The following LOC400499 variants were observed in gnomAD, a reference collection of about 807,000 sequenced individuals.
the LOC400499 span, among the ~76,000 whole-genome samples, chr16:11,390,631 G>C: frequency 6.6e-6 from 1 of 152,226 alleles, no homozygotes; most frequent in Non-Finnish European, 1.5e-5. Flanking sequence ...CAGGGGAGTT[G>C]TCACAGCAGG....
the LOC400499 span, among the ~76,000 whole-genome samples, chr16:11,500,229 C>T: frequency 3.3e-5 from 5 of 152,198 alleles, no homozygotes; most frequent in East Asian, 1.9e-4. Flanking sequence ...AGAAAACAGT[C>T]GGGCGTGGTG....
At chr16:11,433,205 T>C in the LOC400499 span, among the ~76,000 whole-genome samples, 1 of 152,226 alleles carries the variant, frequency 6.6e-6, no homozygotes, top group South Asian at 2.1e-4. Flanking sequence ...ACTGAGAGTC[T>C]GCCAACTCCT....
chr16:11,524,990 A>T, the LOC400499 span, among the ~76,000 whole-genome samples: 2 of 152,180 alleles, frequency 1.3e-5, no homozygotes, highest in Admixed American at 6.5e-5. Flanking sequence ...TAATCCCTCG[A>T]AAAACACATT....
At chr16:11,473,355 AG>A in the LOC400499 span, among the ~76,000 whole-genome samples, 77 of 150,568 alleles carry the variant, frequency 5.1e-4, no homozygotes, top group Admixed American at 7.3e-4. Flanking sequence ...AAAAAAAAAA[AG>A]AAAAAAAAAT....
chr16:11,502,853 A>G, the LOC400499 span, among the ~76,000 whole-genome samples: 8 of 144,706 alleles, frequency 5.5e-5, no homozygotes, highest in Non-Finnish European at 1.2e-4. Context: ...TGACCTTGTG[A>G]TCTGCCCGCC....
At chr16:11,378,257 T>TC in the LOC400499 span, among the ~76,000 whole-genome samples, 1 of 132,202 alleles carries the variant, frequency 7.6e-6, no homozygotes, top group Non-Finnish European at 1.7e-5. Flanking sequence ...TTTTCTTTTT[T>TC]TTTTTTTTTG....
At chr16:11,525,264 C>A in the LOC400499 span, among the ~76,000 whole-genome samples, 1 of 149,734 alleles carries the variant, frequency 6.7e-6, no homozygotes, top group Non-Finnish European at 1.5e-5. Flanking sequence ...CGTATTCCAG[C>A]CTGGGTAGCA....
chr16:11,401,220 C>A, the LOC400499 span: 1 of 398,814 alleles, frequency 2.5e-6, no homozygotes, highest in Non-Finnish European at 4.4e-6. Context: ...TCACGCGGCT[C>A]CCACCTCCAG....
At chr16:11,428,239 A>ACC in the LOC400499 span, among the ~76,000 whole-genome samples, 1 of 142,316 alleles carries the variant, frequency 7.0e-6, no homozygotes. Context: ...CCGTGGCGTA[A>ACC]TCTCTCACTG....
chr16:11,460,028 C>T, the LOC400499 span: 2,645 of 1,468,880 alleles, frequency 1.8e-3, 18 homozygotes, highest in African/African-American at 0.012. Flanking sequence ...GCAGGTGGCC[C>T]GAGTCCTCCT....
chr16:11,383,839 A>T, the LOC400499 span: 1 of 1,232,238 alleles, frequency 8.1e-7, no homozygotes, highest in Non-Finnish European at 1.0e-6. Flanking sequence ...CCTAAGCTTG[A>T]TGAGACAAAG....
At chr16:11,503,691 C>T in the LOC400499 span, among the ~76,000 whole-genome samples, 1 of 152,242 alleles carries the variant, frequency 6.6e-6, no homozygotes, top group Non-Finnish European at 1.5e-5. Context: ...ACTCGGCCCA[C>T]CTGCCAACGT....
At chr16:11,469,675 T>C in the LOC400499 span, 110,973 of 398,812 alleles carry the variant, frequency 0.28, 16,117 homozygotes, top group Admixed American at 0.44. Flanking sequence ...CTTCTGGAAA[T>C]AGCAGAGTCT....
the LOC400499 span, among the ~76,000 whole-genome samples, chr16:11,375,330 TGGA>T: frequency 9.0e-6 from 1 of 111,396 alleles, no homozygotes; most frequent in Admixed American, 8.4e-5. Flanking sequence ...TTTTTTTTTT[TGGA>T]GACAGAGTCT....
the LOC400499 span, among the ~76,000 whole-genome samples, chr16:11,521,105 G>A: frequency 6.6e-6 from 1 of 152,272 alleles, no homozygotes; most frequent in African/African-American, 2.4e-5. Context: ...CTGACATATT[G>A]GACACTTTAA....
At chr16:11,449,742 C>G in the LOC400499 span, among the ~76,000 whole-genome samples, 1 of 152,246 alleles carries the variant, frequency 6.6e-6, no homozygotes, top group Non-Finnish European at 1.5e-5. Context: ...CCATCAACTT[C>G]CCCATTTCCT....
the LOC400499 span, chr16:11,393,375 C>T: frequency 8.1e-7 from 1 of 1,232,176 alleles, no homozygotes. Context: ...TGAGCTGGGA[C>T]CCAGCTGCCA....
At chr16:11,407,228 A>G in the LOC400499 span, 4 of 398,900 alleles carry the variant, frequency 1.0e-5, no homozygotes, top group Non-Finnish European at 1.8e-5. Flanking sequence ...CAGTTTGATG[A>G]AATTGTTGAG....
chr16:11,407,477 C>T, the LOC400499 span: 1 of 395,804 alleles, frequency 2.5e-6, no homozygotes, highest in Admixed American at 4.4e-5. Flanking sequence ...CCCACAACTC[C>T]CTGGGCTGGA....
Sources: gnomAD v4.1 joint callset for allele counts (sites outside exome capture counted in the v4.1 genomes callset) on GRCh38, gnomAD v4.1.1 for gene constraint, MANE v1.5 for transcripts.